Variants in RFFL observed in about 807,000 individuals in gnomAD.
RFFL encodes ring finger and FYVE like domain containing E3 ubiquitin protein ligase, also known as E3 ubiquitin-protein ligase rififylin.
A neutral mutation model predicts 40.4 loss-of-function variants in RFFL; 16 were observed. That is an observed-to-expected ratio of 0.40 (90% CI 0.27 to 0.60). RFFL has a LOEUF of 0.60. Ranked by LOEUF, RFFL falls within the 20% of genes least tolerant of loss-of-function variation. RFFL has a pLI of 0.47. For missense variants in RFFL, 367 were observed against 451.7 expected, an observed-to-expected ratio of 0.81 and a Z score of 1.70; for synonymous variants, 154 against 167.9, an observed-to-expected ratio of 0.92 and a Z score of 0.64.
In RFFL at chr17:35,008,606, T is replaced by G. The variant is rs940452721; in HGVS notation, c.*3362A>C. On this transcript the variant is annotated 3_prime_UTR_variant, in exon 7 of 7. Transcript: ENST00000394597. ...CCACCATGCACGGCTAATTTTTTGG[T>G]TTTTTTGGGTTTTTTGTTTGTGTTT... The G allele has an allele frequency of 8.6e-5, 13 of 151,662 alleles. No individual in the cohort carries two copies. The highest frequency in any genetic ancestry group is 2.7e-4 in the African/African-American group (11 of 41,190). The allele number at this position is 151,662 out of a possible 1,614,324, so 9.4% of individuals were successfully genotyped here. A position where few individuals can be genotyped will look rare whatever the true frequency, so the allele number is the denominator to read the frequency against.
intron 1 of RFFL, among the ~76,000 whole-genome samples, chr17:35,029,471 G>A (rs992964400): frequency 2.0e-4 from 30 of 149,848 alleles, no homozygotes; most frequent in South Asian, 4.3e-4. Flanking sequence ...AGCTTCCTGA[G>A]TAGCTGGGAT....
chr17:35,032,507 T>G (rs1030984207), intron 1 of RFFL, among the ~76,000 whole-genome samples: 1 of 151,966 alleles, frequency 6.6e-6, no homozygotes, highest in Admixed American at 6.6e-5. Context: ...ACAGAATAGA[T>G]GGTGGAATTA....
chr17:35,069,336 T>C (rs2091335766), intron 1 of RFFL: 1 of 456,548 alleles, frequency 2.2e-6, no homozygotes, highest in African/African-American at 2.0e-5. Flanking sequence ...TGTCAACACG[T>C]GTTTCATCTT....
chr17:35,087,691 C>G (rs2091437982), intron 1 of RFFL, among the ~76,000 whole-genome samples: 1 of 152,158 alleles, frequency 6.6e-6, no homozygotes, highest in Non-Finnish European at 1.5e-5. Context: ...CCACATCAAT[C>G]TGCAATTGTT....
chr17:35,043,783 A>G (rs2091180918), intron 1 of RFFL, among the ~76,000 whole-genome samples: 1 of 152,218 alleles, frequency 6.6e-6, no homozygotes, highest in African/African-American at 2.4e-5. Flanking sequence ...TTAACACAAT[A>G]ATCCTACAAA....
At chr17:35,076,068 ACTGCAATCTCCACCTCCCATGTTCAAG>A (rs2091374703) in intron 1 of RFFL, among the ~76,000 whole-genome samples, 1 of 131,694 alleles carries the variant, frequency 7.6e-6, no homozygotes, top group African/African-American at 3.0e-5. Context: ...ATCTTGGCTC[ACTGCAATCTCCACCTCCCATGTTCAAG>A]GGATTCTCCT....
intron 1 of RFFL, among the ~76,000 whole-genome samples, chr17:35,075,811 G>A (rs572789075): frequency 6.6e-6 from 1 of 151,854 alleles, no homozygotes; most frequent in Non-Finnish European, 1.5e-5. Flanking sequence ...ACACAAAAGC[G>A]TCTCGAAGAA....
intron 1 of RFFL, among the ~76,000 whole-genome samples, chr17:35,033,850 T>C (rs1597822170): frequency 6.6e-6 from 1 of 151,266 alleles, no homozygotes; most frequent in Admixed American, 6.6e-5. Flanking sequence ...CTATAAAAAA[T>C]AATAATAATA....
intron 1 of RFFL, among the ~76,000 whole-genome samples, chr17:35,052,973 G>C (rs1938283726): frequency 6.6e-6 from 1 of 152,118 alleles, no homozygotes; most frequent in Admixed American, 6.5e-5. Flanking sequence ...AGAAACAAGG[G>C]TACTCAAGTA....
At chr17:35,058,776 A>C (rs2091274833) in intron 1 of RFFL, among the ~76,000 whole-genome samples, 1 of 152,112 alleles carries the variant, frequency 6.6e-6, no homozygotes, top group Non-Finnish European at 1.5e-5. Flanking sequence ...GTTTCAAAAA[A>C]TAAAGTTGGT....
intron 1 of RFFL, among the ~76,000 whole-genome samples, chr17:35,076,410 G>A (rs764709963): frequency 6.6e-6 from 1 of 151,948 alleles, no homozygotes; most frequent in Non-Finnish European, 1.5e-5. Context: ...GCCGGGCGTG[G>A]TGATTCATGC....
chr17:35,051,730 G>T (rs996704156), intron 1 of RFFL, among the ~76,000 whole-genome samples: 6 of 152,198 alleles, frequency 3.9e-5, no homozygotes, highest in Non-Finnish European at 8.8e-5. Flanking sequence ...ATAATTAAAC[G>T]CTGGCCCCTT....
At position 35,019,566 on chromosome 17, in the gene RFFL, T is replaced by G. The variant is rs186681987; in HGVS notation, c.591+1805A>C. Reference sequence around the variant, plus strand: ...TTTTTGTATTTTTTGTAGAGACAGGTTTTTGCCATGTTGCCAGGCTAGTCT... The same window carrying G: ...TTTTTGTATTTTTTGTAGAGACAGGGTTTTGCCATGTTGCCAGGCTAGTCT... On this transcript the variant is annotated intron_variant, in intron 3 of 6. Coordinates refer to ENST00000394597, the MANE Select transcript of RFFL (RefSeq NM_001017368.2). Among the ~76,000 whole-genome samples, 607 of 151,116 alleles carry G rather than the reference T, an allele frequency of 4.0e-3. 4 individuals carry two copies. The highest frequency in any genetic ancestry group is 0.013 in the African/African-American group (533 of 41,102).
At chr17:35,049,744 A>G (rs757272502) in intron 1 of RFFL, among the ~76,000 whole-genome samples, 13 of 152,206 alleles carry the variant, frequency 8.5e-5, no homozygotes, top group Non-Finnish European at 1.8e-4. Context: ...AAACACTCAA[A>G]AGATAGGCTA....
intron 1 of RFFL, among the ~76,000 whole-genome samples, chr17:35,041,186 A>T (rs1415344297): frequency 2.0e-5 from 3 of 152,142 alleles, no homozygotes. Context: ...AGAGTCTAGA[A>T]TGGCTTCTTG....
intron 1 of RFFL, among the ~76,000 whole-genome samples, chr17:35,046,223 A>T (rs1459534595): frequency 6.6e-6 from 1 of 152,222 alleles, no homozygotes; most frequent in Non-Finnish European, 1.5e-5. Context: ...ACAAAACCAG[A>T]AAAGGAGAGC....
chr17:35,017,694 G>C (rs537783037), intron 3 of RFFL, 88 bp from the exon 4 acceptor site: 1 of 874,680 alleles, frequency 1.1e-6, no homozygotes, highest in South Asian at 1.4e-5. Flanking sequence ...ACAATGTCCA[G>C]AATGTACTCC....
At chr17:35,059,247 G>A (rs747228022) in intron 1 of RFFL, among the ~76,000 whole-genome samples, 2 of 151,912 alleles carry the variant, frequency 1.3e-5, no homozygotes, top group Admixed American at 6.6e-5. Context: ...TGGAACTCCC[G>A]ACCTCAGGTG....
rs2090940591 is a variant in RFFL, at chr17:35,011,856, T to G, written c.*112A>C. ...CATGGCATCTTGCTTGACCTGGTTTTGGGAACCCTGCAATATTTCTACTAG... is the reference window on the plus strand; with the variant it reads ...CATGGCATCTTGCTTGACCTGGTTTGGGGAACCCTGCAATATTTCTACTAG... On this transcript the variant is annotated 3_prime_UTR_variant, in exon 7 of 7. Coordinates refer to ENST00000394597, the MANE Select transcript of RFFL (RefSeq NM_001017368.2). 9.5e-7 allele frequency: 1 copy of G among 1,047,608 alleles called. No individual in the cohort carries two copies. The highest frequency in any genetic ancestry group is 2.4e-5 in the East Asian group (1 of 41,514). 64.9% of individuals were successfully genotyped at this position (1,047,608 alleles called of 1,614,324 possible).
Sources: gnomAD v4.1 joint callset for allele counts (sites outside exome capture counted in the v4.1 genomes callset) on GRCh38, gnomAD v4.1.1 for gene constraint, MANE v1.5 for transcripts, NCBI Gene and HGNC (gene_info 2026-07-23, HGNC 2026-07-21) for gene names.